Variants in IP6K1 observed in about 807,000 individuals in gnomAD.
The protein encoded by IP6K1 is inositol hexakisphosphate kinase 1, also known as ATP:1D-myo-inositol-hexakisphosphate phosphotransferase.
In IP6K1, 13 loss-of-function variants were observed where a neutral mutation model predicts 38.3. The ratio of observed to expected loss-of-function variants is 0.34; its 90% CI spans 0.22 to 0.54. The LOEUF (loss-of-function observed/expected upper bound fraction) is 0.54. IP6K1 is among the 20% of genes least tolerant of loss of function. The probability of loss-of-function intolerance (pLI) is 0.92; values close to 1 mark genes in which losing one functional copy is unlikely to be tolerated. For missense variants in IP6K1, 397 were observed against 599.8 expected, an observed-to-expected ratio of 0.66 and a Z score of 3.53; for synonymous variants, 212 against 229.9, an observed-to-expected ratio of 0.92 and a Z score of 0.70.
In IP6K1 at chr3:49,775,440, T is replaced by C. The variant is rs2080998824; in HGVS notation, c.-129+10914A>G. On this transcript the variant is annotated intron_variant, in intron 1 of 5. Transcript: ENST00000321599. Reference sequence around the variant, plus strand: ...ATGTGATGAGTGTAACTACGTATCTTAGCAGGGGTGCCGTGTGATCTGTGG... The same window carrying C: ...ATGTGATGAGTGTAACTACGTATCTCAGCAGGGGTGCCGTGTGATCTGTGG... 3 of 475,090 alleles carry C rather than the reference T, an allele frequency of 6.3e-6. No homozygotes were observed. In the Admixed American group the frequency reaches 8.7e-5, roughly 14 times the overall value. The allele number at this position is 475,090 out of a possible 1,614,324, so 29.4% of individuals were successfully genotyped here. A position where few individuals can be genotyped will look rare whatever the true frequency, so the allele number is the denominator to read the frequency against.
chr3:49,744,080 C>A (rs1281161877), intron 2 of IP6K1, among the ~76,000 whole-genome samples: 11 of 152,120 alleles, frequency 7.2e-5, no homozygotes, highest in Non-Finnish European at 1.3e-4. Context: ...CTATTCCCAT[C>A]ATTCCTTCTA....
At chr3:49,740,339 G>A (rs1246391607) in intron 2 of IP6K1, among the ~76,000 whole-genome samples, 1 of 150,984 alleles carries the variant, frequency 6.6e-6, no homozygotes, top group Non-Finnish European at 1.5e-5. Context: ...CAAAGTGCTA[G>A]GATTACTGGT....
chr3:49,765,914 C>T (rs892514100), intron 1 of IP6K1, among the ~76,000 whole-genome samples: 7 of 151,700 alleles, frequency 4.6e-5, no homozygotes, highest in East Asian at 1.9e-4. Flanking sequence ...CGGTGGCTCA[C>T]GCCTGTAATC....
chr3:49,740,595 T>C (rs1015274655), intron 2 of IP6K1, among the ~76,000 whole-genome samples: 3 of 152,206 alleles, frequency 2.0e-5, no homozygotes, highest in Non-Finnish European at 4.4e-5. Context: ...ATAAGTGAAA[T>C]CATACAATGT....
chr3:49,753,346 G>C (rs559289072), intron 1 of IP6K1, among the ~76,000 whole-genome samples: 2 of 152,166 alleles, frequency 1.3e-5, no homozygotes, highest in Admixed American at 6.6e-5. Flanking sequence ...TGATCAAAAT[G>C]TCTCTTTCTC....
intron 1 of IP6K1, among the ~76,000 whole-genome samples, chr3:49,753,037 AGGC>A (rs2108242275): frequency 6.6e-6 from 1 of 152,276 alleles, no homozygotes; most frequent in African/African-American, 2.4e-5. Context: ...CTGGGATTAC[AGGC>A]ATGAGCCACT....
intron 1 of IP6K1, among the ~76,000 whole-genome samples, chr3:49,784,800 C>T (rs2081096855): frequency 6.6e-6 from 1 of 151,790 alleles, no homozygotes; most frequent in Non-Finnish European, 1.5e-5. Flanking sequence ...CAAAAATTAG[C>T]CAGGTGTGGT....
At chr3:49,767,663 T>TG (rs1469551484) in intron 1 of IP6K1, among the ~76,000 whole-genome samples, 1 of 152,086 alleles carries the variant, frequency 6.6e-6, no homozygotes, top group East Asian at 1.9e-4. Context: ...CTCAACACTT[T>TG]GGGAGGCTGA....
At chr3:49,757,093 C>T (rs2080830041) in intron 1 of IP6K1, among the ~76,000 whole-genome samples, 1 of 152,206 alleles carries the variant, frequency 6.6e-6, no homozygotes, top group Non-Finnish European at 1.5e-5. Flanking sequence ...TAAAATTAAA[C>T]TGTCTAAACT....
intron 3 of IP6K1, among the ~76,000 whole-genome samples, chr3:49,737,638 ATGGCACCAC>A (rs1166420393): frequency 1.3e-5 from 2 of 152,248 alleles, no homozygotes; most frequent in Non-Finnish European, 2.9e-5. Flanking sequence ...GTGACGCAAG[ATGGCACCAC>A]TGCATTCCAG....
In IP6K1 at chr3:49,747,959, G is replaced by T; in HGVS notation, c.82C>A (p.Pro28Thr). ...RAGDRGVLLE[P>T]FIHQVGGHSS... Reference sequence around the variant, plus strand: ...TGTCCGCCTACTTGGTGGATGAAGGGCTCCAGGAGGACTCCCCGGTCTCCA... The same window carrying T: ...TGTCCGCCTACTTGGTGGATGAAGGTCTCCAGGAGGACTCCCCGGTCTCCA... The change falls in exon 2 of 6, where the codon CCC (proline) becomes ACC (threonine). Residue 28 changes from proline (P) to threonine (T), a missense_variant. Pro to Thr is a conservative substitution (Grantham distance 38, BLOSUM62 -1). Transcript: ENST00000321599. 6.2e-7 allele frequency: 1 copy of T among 1,614,130 alleles called. No individual in the cohort carries two copies.
rs149764153 is a variant in IP6K1 at position 49,728,112 on chromosome 3, G to A, written c.783C>T (p.Cys261=). The A allele has an allele frequency of 1.2e-3, 1,889 of 1,613,350 alleles. 4 individuals carry two copies. The highest frequency in any genetic ancestry group is 1.5e-3 in the Non-Finnish European group (1,749 of 1,179,628). ...AGCAGAGGTAACTCACCTGCATGCC[G>A]CAGACCCTGACGCCCAGCGTGGCTG... is the stretch of plus-strand genomic sequence containing the variant. The part of the protein sequence containing the change: ...STSATLGVRV[C]GMQVYQLDTG... Residue 261 remains cysteine (C), a synonymous_variant, in exon 5 of 6, where the codon TGC becomes TGT. Coordinates refer to ENST00000321599, the MANE Select transcript of IP6K1 (RefSeq NM_153273.4).
chr3:49,771,311 A>G (rs556490745), intron 1 of IP6K1, among the ~76,000 whole-genome samples: 62 of 152,172 alleles, frequency 4.1e-4, no homozygotes, highest in Middle Eastern at 3.4e-3. Flanking sequence ...CAGCTTGGGC[A>G]ACATAGGGAG....
chr3:49,740,524 T>TTGGGATAGA lies in IP6K1; in HGVS notation c.224-2103_224-2102insTCTATCCCA, dbSNP rs2080657726. ...GTAACTCCCCATTTTCCCTTCCTCC[T>TTGGGATAGA]AGCCCCAGTAACCAAATCTACTTTC... is the stretch of plus-strand genomic sequence containing the variant. On this transcript the variant is annotated intron_variant, in intron 2 of 5. Transcript: ENST00000321599. Among the ~76,000 whole-genome samples, 4 of 152,194 alleles carry TTGGGATAGA rather than the reference T, an allele frequency of 2.6e-5. No homozygotes were observed. The East Asian group carries it at 7.7e-4, about 29-fold the overall frequency.
intron 1 of IP6K1, among the ~76,000 whole-genome samples, chr3:49,753,776 G>A (rs1465403319): frequency 2.0e-5 from 3 of 151,928 alleles, no homozygotes. Context: ...AGAACAAACG[G>A]GTCATGTGGC....
intron 1 of IP6K1, among the ~76,000 whole-genome samples, chr3:49,756,838 A>AGG: frequency 8.4e-6 from 1 of 119,190 alleles, no homozygotes; most frequent in East Asian, 2.1e-4. Flanking sequence ...AAAAAAAAAA[A>AGG]AAAGAAAAAA....
At chr3:49,764,770 T>C (rs188733749) in intron 1 of IP6K1, among the ~76,000 whole-genome samples, 193 of 151,046 alleles carry the variant, frequency 1.3e-3, no homozygotes, top group Middle Eastern at 0.01. Flanking sequence ...TCCCAGCCAC[T>C]AGGAAGGCTG....
At chr3:49,781,400 G>A (rs1326374219) in intron 1 of IP6K1, among the ~76,000 whole-genome samples, 1 of 152,184 alleles carries the variant, frequency 6.6e-6, no homozygotes, top group Non-Finnish European at 1.5e-5. Context: ...CTATTTTGAT[G>A]TTTGTTTCAG....
intron 1 of IP6K1, among the ~76,000 whole-genome samples, chr3:49,776,027 G>T (rs2081005580): frequency 1.3e-5 from 2 of 151,408 alleles, no homozygotes; most frequent in African/African-American, 4.9e-5. Flanking sequence ...TGTCCTTGAA[G>T]AACCTTTGGT....
Sources: gnomAD v4.1 joint callset for allele counts (sites outside exome capture counted in the v4.1 genomes callset) on GRCh38, gnomAD v4.1.1 for gene constraint, MANE v1.5 for transcripts, NCBI Gene and HGNC (gene_info 2026-07-23, HGNC 2026-07-21) for gene names.